Variants in AMPD1 observed in about 807,000 individuals in gnomAD.
AMPD1 encodes the protein adenosine monophosphate deaminase 1, also known as AMP deaminase 1.
In AMPD1, 74 loss-of-function variants were observed where a neutral mutation model predicts 82.9. The observed-to-expected ratio is 0.89, with a 90% CI of 0.74 to 1.08. The LOEUF (loss-of-function observed/expected upper bound fraction) is 1.08, where lower values mean the gene tolerates loss of function less well. Among genes scored for constraint, AMPD1 ranks in the 50% least tolerant of loss-of-function variants. The pLI is 0.00. For missense variants in AMPD1, 881 were observed against 924.5 expected, an observed-to-expected ratio of 0.95 and a Z score of 0.61; for synonymous variants, 333 against 320.5, an observed-to-expected ratio of 1.04 and a Z score of -0.42.
chr1:114,693,401 C>G (rs1164816775), intron 2 of AMPD1, 35 bp downstream of exon 2: 6 of 1,602,352 alleles, frequency 3.7e-6, no homozygotes, highest in Non-Finnish European at 5.1e-6. Context: ...AATTGATACT[C>G]TGACAAATGG....
At chr1:114,675,431 C>T (rs528878371) in intron 12 of AMPD1, 99 bp downstream of exon 12, 1 of 1,301,724 alleles carries the variant, frequency 7.7e-7, no homozygotes, top group South Asian at 1.2e-5. Context: ...TTGGAACCAT[C>T]ACAGTAATGC....
chr1:114,692,744 T>A lies in AMPD1; in HGVS notation c.34+692A>T, dbSNP rs1397905186. Among the ~76,000 whole-genome samples, 15 of 144,264 alleles carry A rather than the reference T, an allele frequency of 1.0e-4. No individual in the cohort carries two copies. The East Asian group carries it at 2.9e-3, about 28-fold the overall frequency. The allele number at this position is 144,264 out of a possible 152,430, so 94.6% of individuals were successfully genotyped here. On this transcript the variant is annotated intron_variant, in intron 2 of 15. Coordinates refer to ENST00000520113, the MANE Select transcript of AMPD1 (RefSeq NM_000036.3). ...TTTTTATTTTATCTGGTCACAAAAA[T>A]GAACAACAATTTTTTTTTTTTTTTT...
Position 114,674,878 on chromosome 1 carries a change from G to C in AMPD1, c.1680-6C>G. The C allele has an allele frequency of 6.2e-7, 1 of 1,614,128 alleles. No homozygotes were observed. Among genetic ancestry groups the C allele is most frequent in the Non-Finnish European group, 8.5e-7 (1 of 1,179,998 alleles). The stretch of plus-strand genomic sequence containing the variant: ...ACGTATTCATGCCTCGTTCCCTGGG[G>C]AAATAGAACTGCTATTGGAATCGCA... On this transcript the variant is annotated splice_region_variant and splice_polypyrimidine_tract_variant and intron_variant, in intron 12 of 15. Transcript: ENST00000520113.
chr1:114,673,800 T>A, intron 14 of AMPD1, 51 bp from the exon 15 acceptor site: 2 of 1,572,870 alleles, frequency 1.3e-6, no homozygotes. Context: ...ATAAATAATA[T>A]GCATCCTGCC....
chr1:114,693,039 T>G (rs1198925578), intron 2 of AMPD1, among the ~76,000 whole-genome samples: 1 of 151,136 alleles, frequency 6.6e-6, no homozygotes, highest in South Asian at 2.1e-4. Context: ...GCAAGATAAT[T>G]AGTTGAATCC....
intron 2 of AMPD1, chr1:114,689,074 A>G: frequency 1.8e-6 from 1 of 563,782 alleles, no homozygotes; most frequent in South Asian, 1.4e-5. Context: ...TTGATTTCAT[A>G]GTTTGAACCA....
chr1:114,684,691 G>A, intron 4 of AMPD1, among the ~76,000 whole-genome samples: 1 of 152,260 alleles, frequency 6.6e-6, no homozygotes, highest in East Asian at 1.9e-4. Flanking sequence ...ATTCCAACAT[G>A]GTATATACTT....
intron 2 of AMPD1, 118 bp downstream of exon 2, chr1:114,693,318 C>T: frequency 9.7e-7 from 1 of 1,031,422 alleles, no homozygotes; most frequent in Non-Finnish European, 1.5e-6. Context: ...TGTTGACTTT[C>T]AAGGCTATTA....
intron 3 of AMPD1, among the ~76,000 whole-genome samples, chr1:114,688,122 G>T (rs181194528): frequency 6.6e-6 from 1 of 151,938 alleles, no homozygotes; most frequent in Non-Finnish European, 1.5e-5. Context: ...TACAGTGTTG[G>T]GGGGAAAAGG....
intron 5 of AMPD1, among the ~76,000 whole-genome samples, chr1:114,682,634 A>C (rs983310416): frequency 2.7e-5 from 4 of 150,298 alleles, no homozygotes; most frequent in African/African-American, 9.8e-5. Flanking sequence ...GCTGGAGTGC[A>C]GTGGCGCGAT....
rs753014173 is a variant in AMPD1 at position 114,679,760 on chromosome 1, AAC to A, written c.768-54_768-53del. ...CAAAAAGTTTCAGGCATTCAAGAAA[AAC>A]AGTCACAATTTCAAAACTATCAGGA... On this transcript the variant is annotated intron_variant, in intron 6 of 15. Transcript: ENST00000520113. 12 of 1,596,476 alleles carry A rather than the reference AAC, an allele frequency of 7.5e-6. No individual in the cohort carries two copies. In the East Asian group the frequency reaches 2.7e-4, roughly 36 times the overall value.
chr1:114,674,168 G>T, intron 13 of AMPD1, 86 bp from the exon 14 acceptor site: 1 of 1,294,846 alleles, frequency 7.7e-7, no homozygotes, highest in Non-Finnish European at 1.1e-6. Flanking sequence ...TCTGCCTTAA[G>T]CTTCAGCTTT....
At position 114,680,377 on chromosome 1, in the gene AMPD1, C is replaced by A. The variant is rs752158310; in HGVS notation, c.649G>T (p.Val217Phe). Residue 217 changes from valine to phenylalanine, a missense_variant, in exon 6 of 16, where the codon GTC (valine) becomes TTC (phenylalanine). This residue lies in a region of AMPD1 where 783 missense variants were observed against 786.4 expected (regional missense o/e 1.00). Transcript: ENST00000520113. ...CTGACTGCTGCTTCATTAGGATAGA[C>A]GTAAACTACACCGTCCTTCATTTTG... Reference protein sequence around the residue: ...HLKMKDGVVYVYPNEAAVSKD... With the variant: ...HLKMKDGVVYFYPNEAAVSKD... 1 of 1,614,166 alleles carries A rather than the reference C, an allele frequency of 6.2e-7. No homozygotes were observed. The highest frequency in any genetic ancestry group is 1.1e-5 in the South Asian group (1 of 91,084).
At chr1:114,675,423 G>A in intron 12 of AMPD1, 107 bp downstream of exon 12, 1 of 1,242,022 alleles carries the variant, frequency 8.1e-7, no homozygotes, top group South Asian at 1.2e-5. Flanking sequence ...TGGGCCAATT[G>A]GAACCATCAC....
chr1:114,688,767 G>A (rs1658422013), intron 2 of AMPD1, 26 bp from the exon 3 acceptor site: 1 of 1,613,622 alleles, frequency 6.2e-7, no homozygotes, highest in South Asian at 1.1e-5. Flanking sequence ...ACATATTAGT[G>A]TTCAAGCCCC....
rs1299912152 is a variant in AMPD1, at chr1:114,679,646, A to G, written c.830T>C (p.Leu277Pro). The change falls in exon 7 of 16, where the codon CTT becomes CCT. Residue 277 changes from leucine (L) to proline (P), a missense_variant. Physicochemically the swap from Leu to Pro is moderately conservative, Grantham distance 98. Around this residue, in one of 2 missense-constraint regions of AMPD1, gnomAD observed 783 missense variants for 786.4 expected, o/e 1.00. Coordinates refer to ENST00000520113, the MANE Select transcript of AMPD1 (RefSeq NM_000036.3). ...CTCCTTTAACTCGTCCATCTCGTTA[A>G]GCATCTGATGGACCTGGAACTTGGA... ...LSSKFQVHQM[L>P]NEMDELKELK... 6.2e-7 allele frequency: 1 copy of G among 1,614,026 alleles called. No individual in the cohort carries two copies. The highest frequency in any genetic ancestry group is 2.2e-5 in the East Asian group (1 of 44,880).
chr1:114,676,686 A>T (rs1295517430), intron 10 of AMPD1, among the ~76,000 whole-genome samples: 1 of 152,178 alleles, frequency 6.6e-6, no homozygotes, highest in East Asian at 1.9e-4. Flanking sequence ...TCCCAGTCAA[A>T]AAATTACTTT....
At chr1:114,693,345 G>C in intron 2 of AMPD1, 91 bp downstream of exon 2, 1 of 1,306,980 alleles carries the variant, frequency 7.7e-7, no homozygotes, top group Non-Finnish European at 1.1e-6. Flanking sequence ...AAACACTGCT[G>C]AAAAATAGCC....
chr1:114,690,873 A>AG (rs1203068771), intron 2 of AMPD1, among the ~76,000 whole-genome samples: 3 of 152,184 alleles, frequency 2.0e-5, no homozygotes, highest in Admixed American at 2.0e-4. Flanking sequence ...GATGAGAATG[A>AG]GGATGATGAT....
Sources: allele counts gnomAD v4.1 joint callset (sites outside exome capture counted in the v4.1 genomes callset), GRCh38; gene constraint gnomAD v4.1.1; regional missense constraint gnomAD v4.1.1; transcripts MANE v1.5; gene names NCBI Gene and HGNC (gene_info 2026-07-23, HGNC 2026-07-21).